Variants in COMMD1 observed in about 807,000 individuals in gnomAD.
The protein encoded by COMMD1 is COMM domain-containing protein 1.
Under a neutral mutation model 17.2 loss-of-function variants are expected in COMMD1, and 10 were observed. The observed-to-expected ratio is 0.58, with a 90% CI of 0.36 to 0.99. COMMD1 has a LOEUF of 0.99. Ranked by LOEUF, COMMD1 falls within the 50% of genes least tolerant of loss-of-function variation. The pLI, the probability that COMMD1 is intolerant of heterozygous loss-of-function variation, is 0.01. For missense variants in COMMD1, 270 were observed against 231.8 expected, an observed-to-expected ratio of 1.17 and a Z score of -1.07; for synonymous variants, 97 against 91.6, an observed-to-expected ratio of 1.06 and a Z score of -0.34.
At chr2:62,090,556 C>G (rs942052937) in intron 2 of COMMD1, 9 of 152,310 alleles carry the variant, frequency 5.9e-5, no homozygotes, top group Middle Eastern at 3.4e-3. Flanking sequence ...TAACAGTGGA[C>G]AAATCTATTT....
intron 2 of COMMD1, among the ~76,000 whole-genome samples, chr2:62,076,095 C>A (rs528910892): frequency 6.6e-6 from 1 of 152,364 alleles, no homozygotes; most frequent in East Asian, 1.9e-4. Flanking sequence ...AAGGACTCAG[C>A]TTCTCTCATT....
intron 1 of COMMD1, among the ~76,000 whole-genome samples, chr2:61,941,827 T>G (rs1469165598): frequency 6.6e-6 from 1 of 152,196 alleles, no homozygotes; most frequent in Non-Finnish European, 1.5e-5. Flanking sequence ...CTATAAAAGT[T>G]TCTCCAGAAT....
chr2:62,044,837 T>TAA (rs542859899), intron 2 of COMMD1, among the ~76,000 whole-genome samples: 13 of 117,050 alleles, frequency 1.1e-4, no homozygotes, highest in African/African-American at 1.4e-4. Flanking sequence ...GCTCCTAACT[T>TAA]AAAAAAAAAA....
At chr2:62,020,732 G>T (rs12052927) in intron 2 of COMMD1, among the ~76,000 whole-genome samples, 24,530 of 152,214 alleles carry the variant, frequency 0.16, 2,042 homozygotes, top group East Asian at 0.2. Flanking sequence ...GGGCGTGGTG[G>T]CTCACGCTTG....
At chr2:62,094,561 G>A (rs1332900319) in intron 2 of COMMD1, among the ~76,000 whole-genome samples, 2 of 152,086 alleles carry the variant, frequency 1.3e-5, no homozygotes, top group Non-Finnish European at 2.9e-5. Flanking sequence ...TGATAAACAG[G>A]TGTGTTGCAA....
At position 61,905,703 on chromosome 2, in the gene COMMD1, G is replaced by T. The variant is rs1669753125; in HGVS notation, c.25G>T (p.Gly9Cys). The change falls in exon 1 of 3, where the codon GGC becomes TGC. Residue 9 changes from glycine (G) to cysteine (C), a missense_variant. Physicochemically the swap from Gly to Cys is radical, Grantham distance 159 (BLOSUM62 -3). Coordinates refer to ENST00000311832, the MANE Select transcript of COMMD1 (RefSeq NM_152516.4). The part of the protein sequence containing the change: MAAGELEG[G>C]KPLSGLLNAL... ...CATGGCGGCGGGCGAGCTTGAGGGTGGCAAACCCCTGAGCGGGCTGCTGAA... is the reference window on the plus strand; with the variant it reads ...CATGGCGGCGGGCGAGCTTGAGGGTTGCAAACCCCTGAGCGGGCTGCTGAA... 1.9e-6 allele frequency: 3 copies of T among 1,587,646 alleles called. No individual in the cohort carries two copies. Among genetic ancestry groups the T allele is most frequent in the African/African-American group, 1.3e-5 (1 of 74,726 alleles).
At chr2:61,961,266 G>C (rs1489112864) in intron 1 of COMMD1, among the ~76,000 whole-genome samples, 2 of 152,206 alleles carry the variant, frequency 1.3e-5, no homozygotes, top group Non-Finnish European at 2.9e-5. Flanking sequence ...CTACCCTGCT[G>C]CTGTGTCCAG....
At chr2:62,007,893 C>T (rs1327401227) in intron 2 of COMMD1, among the ~76,000 whole-genome samples, 1 of 151,968 alleles carries the variant, frequency 6.6e-6, no homozygotes, top group African/African-American at 2.4e-5. Context: ...ATTAATAATC[C>T]GTTTATGTCT....
chr2:61,945,543 T>C (rs1045853789), intron 1 of COMMD1, among the ~76,000 whole-genome samples: 2 of 152,216 alleles, frequency 1.3e-5, no homozygotes, highest in Non-Finnish European at 2.9e-5. Flanking sequence ...GGTTGCCAAA[T>C]GTAAACCCAA....
intron 2 of COMMD1, among the ~76,000 whole-genome samples, chr2:62,117,906 C>A (rs969792533): frequency 1.3e-5 from 2 of 152,136 alleles, no homozygotes; most frequent in African/African-American, 4.8e-5. Flanking sequence ...CTCCCCGCCC[C>A]CAACTTTTCT....
At chr2:62,070,539 C>T (rs1443436789) in intron 2 of COMMD1, among the ~76,000 whole-genome samples, 1 of 120,646 alleles carries the variant, frequency 8.3e-6, no homozygotes, top group East Asian at 2.5e-4. Flanking sequence ...CAGAGCAAGA[C>T]CCTGTCTCTA....
At chr2:61,922,648 C>T (rs112013334) in intron 1 of COMMD1, among the ~76,000 whole-genome samples, 8 of 152,124 alleles carry the variant, frequency 5.3e-5, no homozygotes, top group East Asian at 1.9e-4. Context: ...TAAAAATTTG[C>T]GAGGTTTATT....
intron 1 of COMMD1, among the ~76,000 whole-genome samples, chr2:61,943,158 G>A (rs183373477): frequency 1.3e-5 from 2 of 152,264 alleles, no homozygotes; most frequent in African/African-American, 4.8e-5. Context: ...ATTGACTTTC[G>A]AGCTCTGAAT....
At chr2:61,948,066 A>G (rs1463298639) in intron 1 of COMMD1, among the ~76,000 whole-genome samples, 1 of 152,196 alleles carries the variant, frequency 6.6e-6, no homozygotes, top group African/African-American at 2.4e-5. Flanking sequence ...TGTCTGCATT[A>G]TACTTAATTT....
At chr2:62,108,987 C>CA (rs1447633275) in intron 2 of COMMD1, among the ~76,000 whole-genome samples, 1 of 152,100 alleles carries the variant, frequency 6.6e-6, no homozygotes, top group African/African-American at 2.4e-5. Flanking sequence ...TCAGTCCTAC[C>CA]ACTCCTTACT....
intron 2 of COMMD1, among the ~76,000 whole-genome samples, chr2:62,097,469 T>G (rs964534589): frequency 6.6e-6 from 1 of 152,306 alleles, no homozygotes; most frequent in East Asian, 1.9e-4. Flanking sequence ...TAATTCTTCC[T>G]GTCCAGAATC....
Position 62,128,093 on chromosome 2 carries a change from T to G in COMMD1, c.463-7738T>G, listed in dbSNP as rs1241071670. Reference sequence around the variant, plus strand: ...CTGTAATCCCAGCACTTTGGGAGGCTGAGGCAGGTGGATCATTTGAGATCA... The same window carrying G: ...CTGTAATCCCAGCACTTTGGGAGGCGGAGGCAGGTGGATCATTTGAGATCA... On this transcript the variant is annotated intron_variant, in intron 2 of 2. Coordinates refer to ENST00000311832, the MANE Select transcript of COMMD1 (RefSeq NM_152516.4). Among the ~76,000 whole-genome samples, 5 of 150,512 alleles carry G rather than the reference T, an allele frequency of 3.3e-5. No homozygotes were observed. The East Asian group carries it at 9.8e-4, about 29-fold the overall frequency.
chr2:62,028,399 T>A lies in COMMD1; in HGVS notation c.462+27417T>A, dbSNP rs191990036. Among the ~76,000 whole-genome samples the A allele has an allele frequency of 3.6e-3, 549 of 151,984 alleles. 2 individuals carry two copies. Among genetic ancestry groups the A allele is most frequent in the Non-Finnish European group, 6.2e-3 (422 of 68,006 alleles). ...AATAATTTAGCAAAACATTATTTTT[T>A]AAAAAAATAGTTTTTAATGCTTTAT... On this transcript the variant is annotated intron_variant, in intron 2 of 2. Coordinates refer to ENST00000311832, the MANE Select transcript of COMMD1 (RefSeq NM_152516.4).
intron 1 of COMMD1, among the ~76,000 whole-genome samples, chr2:61,924,607 G>A (rs1165806691): frequency 6.6e-6 from 1 of 152,118 alleles, no homozygotes; most frequent in Non-Finnish European, 1.5e-5. Flanking sequence ...ACTGACAGAG[G>A]GAAGGGCAGT....
Sources: gnomAD v4.1 joint callset for allele counts (sites outside exome capture counted in the v4.1 genomes callset) on GRCh38, gnomAD v4.1.1 for gene constraint, MANE v1.5 for transcripts, NCBI Gene and HGNC (gene_info 2026-07-23, HGNC 2026-07-21) for gene names.